FARS2: variants seen among roughly 807,000 people sequenced by gnomAD.
The protein encoded by FARS2 is phenylalanyl-tRNA synthetase 2, mitochondrial, also known as phenylalanine--tRNA ligase, mitochondrial.
A neutral mutation model predicts 46.4 loss-of-function variants in FARS2; 40 were observed. That is an observed-to-expected ratio of 0.86 (90% CI 0.67 to 1.12). The LOEUF (loss-of-function observed/expected upper bound fraction) is 1.12. FARS2 is among the 50% of genes most tolerant of loss of function. The pLI is 0.00. For synonymous variants in FARS2, 234 were observed against 214.9 expected, an observed-to-expected ratio of 1.09 and a Z score of -0.78; for missense variants, 513 against 567.9, an observed-to-expected ratio of 0.90 and a Z score of 0.98.
chr6:5,546,375 T>C (rs1365499375), intron 5 of FARS2, among the ~76,000 whole-genome samples: 8 of 151,122 alleles, frequency 5.3e-5, no homozygotes, highest in South Asian at 4.2e-4. Flanking sequence ...CTCAGCCTCC[T>C]GAGCAGCTGG....
chr6:5,670,852 A>C (rs1273316809), intron 6 of FARS2, among the ~76,000 whole-genome samples: 1 of 152,176 alleles, frequency 6.6e-6, no homozygotes. Context: ...TAAAGTTTCA[A>C]CCGGGGCTCT....
At chr6:5,573,840 C>G (rs898208521) in intron 5 of FARS2, among the ~76,000 whole-genome samples, 5 of 152,182 alleles carry the variant, frequency 3.3e-5, no homozygotes, top group Non-Finnish European at 7.3e-5. Flanking sequence ...CACTGGTATT[C>G]TATCACAAGC....
At chr6:5,263,591 T>TA (rs1345486699) in intron 1 of FARS2, among the ~76,000 whole-genome samples, 1 of 152,250 alleles carries the variant, frequency 6.6e-6, no homozygotes, top group Non-Finnish European at 1.5e-5. Flanking sequence ...ACCTTACACA[T>TA]ACGTCCTTTA....
chr6:5,725,040 C>T (rs1760157683), intron 6 of FARS2, among the ~76,000 whole-genome samples: 1 of 152,252 alleles, frequency 6.6e-6, no homozygotes, highest in Non-Finnish European at 1.5e-5. Flanking sequence ...CGTGTTACCA[C>T]ACGTGGAAAA....
intron 2 of FARS2, among the ~76,000 whole-genome samples, chr6:5,397,418 G>C (rs1365635068): frequency 6.6e-6 from 1 of 152,188 alleles, no homozygotes; most frequent in Non-Finnish European, 1.5e-5. Context: ...AACTCCAAGA[G>C]TGAGCCCTAA....
chr6:5,512,980 G>C (rs1450574909), intron 4 of FARS2, among the ~76,000 whole-genome samples: 6 of 152,100 alleles, frequency 3.9e-5, no homozygotes. Flanking sequence ...GCAAGAAAGT[G>C]TCCTTGTCTG....
intron 1 of FARS2, among the ~76,000 whole-genome samples, chr6:5,286,582 TAA>T (rs1351020552): frequency 6.6e-6 from 1 of 152,160 alleles, no homozygotes; most frequent in East Asian, 1.9e-4. Flanking sequence ...ATTCAGAATA[TAA>T]AGTGTGTTTT....
rs186196651 is a variant in FARS2 at position 5,675,433 on chromosome 6, A to G, written c.1217+62113A>G. On this transcript the variant is annotated intron_variant, in intron 6 of 6. Coordinates refer to ENST00000274680, the MANE Select transcript of FARS2 (RefSeq NM_006567.5). ...TCAGAATTGTTGAAGTGAGAAAGCC[A>G]TACACATCTCTATGTGTATTTTGGT... 1.5e-4 allele frequency among the ~76,000 whole-genome samples: 23 copies of G among 152,336 alleles called. 1 individual carries two copies. Among genetic ancestry groups the G allele is most frequent in the Non-Finnish European group, 2.1e-4 (14 of 68,030 alleles).
chr6:5,635,054 G>C lies in FARS2; in HGVS notation c.1217+21734G>C, dbSNP rs961971819. ...GTCTTGGCTTTGCCACTTGTTGGCC[G>C]TGGAACCATTCGAGCAAGTTACTCA... is the stretch of plus-strand genomic sequence containing the variant. On this transcript the variant is annotated intron_variant, in intron 6 of 6. Coordinates refer to ENST00000274680, the MANE Select transcript of FARS2 (RefSeq NM_006567.5). Among the ~76,000 whole-genome samples, 5 of 152,312 alleles carry C rather than the reference G, an allele frequency of 3.3e-5. No homozygotes were observed. The South Asian group carries it at 1.0e-3, about 32-fold the overall frequency.
chr6:5,564,516 G>C (rs9405850), intron 5 of FARS2, among the ~76,000 whole-genome samples: 2 of 152,220 alleles, frequency 1.3e-5, no homozygotes, highest in East Asian at 1.9e-4. Context: ...TAAAAACAAT[G>C]AATGAGACTA....
At chr6:5,393,118 A>G (rs1224210382) in intron 2 of FARS2, among the ~76,000 whole-genome samples, 1 of 151,968 alleles carries the variant, frequency 6.6e-6, no homozygotes, top group Non-Finnish European at 1.5e-5. Context: ...AATATTTTTC[A>G]TATGTACCTA....
intron 6 of FARS2, among the ~76,000 whole-genome samples, chr6:5,685,995 C>T (rs1757167420): frequency 6.6e-6 from 1 of 152,166 alleles, no homozygotes; most frequent in Admixed American, 6.5e-5. Flanking sequence ...CCTCAGGATT[C>T]CCACGTGAAG....
chr6:5,383,167 T>C (rs1016996915), intron 2 of FARS2, among the ~76,000 whole-genome samples: 1 of 152,254 alleles, frequency 6.6e-6, no homozygotes, highest in Non-Finnish European at 1.5e-5. Flanking sequence ...GGTGAAACAC[T>C]GAGAGTCCTC....
At chr6:5,558,757 T>C (rs1359411963) in intron 5 of FARS2, among the ~76,000 whole-genome samples, 2 of 152,090 alleles carry the variant, frequency 1.3e-5, no homozygotes, top group African/African-American at 4.8e-5. Flanking sequence ...TTCACCATGT[T>C]AGCCAGGATG....
At chr6:5,443,031 G>C (rs151020970) in intron 4 of FARS2, among the ~76,000 whole-genome samples, 115 of 152,312 alleles carry the variant, frequency 7.6e-4, no homozygotes, top group African/African-American at 2.7e-3. Context: ...CCGAGATTCT[G>C]TCCTGTATGT....
intron 1 of FARS2, among the ~76,000 whole-genome samples, chr6:5,296,331 T>C (rs148668177): frequency 0.056 from 8,523 of 151,824 alleles, 291 homozygotes; most frequent in African/African-American, 0.08. Flanking sequence ...TTAGTAGAGA[T>C]GGGGTTTCAC....
At chr6:5,520,460 C>G (rs4960095) in intron 4 of FARS2, among the ~76,000 whole-genome samples, 8,318 of 152,220 alleles carry the variant, frequency 0.055, 574 homozygotes, top group East Asian at 0.3. Flanking sequence ...TGTTACAGGA[C>G]ATACTCTAAA....
At chr6:5,501,667 G>C (rs780601739) in intron 4 of FARS2, among the ~76,000 whole-genome samples, 38 of 151,842 alleles carry the variant, frequency 2.5e-4, no homozygotes, top group Non-Finnish European at 5.3e-4. Context: ...TCTAATTTTT[G>C]TATTTTTAGT....
intron 2 of FARS2, among the ~76,000 whole-genome samples, chr6:5,382,041 G>A (rs914149179): frequency 2.6e-5 from 4 of 152,236 alleles, no homozygotes; most frequent in Non-Finnish European, 5.9e-5. Flanking sequence ...CCTGCGGGGA[G>A]CAGATCTTGC....
Sources: allele counts gnomAD v4.1 joint callset (sites outside exome capture counted in the v4.1 genomes callset), GRCh38; gene constraint gnomAD v4.1.1; transcripts MANE v1.5; gene names NCBI Gene and HGNC (gene_info 2026-07-23, HGNC 2026-07-21).